The following RALYL variants were observed in gnomAD, a reference collection of about 807,000 sequenced individuals.
RALYL encodes the protein RNA-binding Raly-like protein.
In RALYL, 29 loss-of-function variants were observed where a neutral mutation model predicts 35.1. The ratio of observed to expected loss-of-function variants is 0.83; its 90% CI spans 0.61 to 1.13. The LOEUF (loss-of-function observed/expected upper bound fraction) is 1.13, where lower values mean the gene tolerates loss of function less well. Among genes scored for constraint, RALYL ranks in the 50% most tolerant of loss-of-function variants. RALYL has a pLI of 0.00. For synonymous variants in RALYL, 120 were observed against 127.6 expected (o/e 0.94, Z 0.40); for missense variants, 359 against 360.4 (o/e 1.00, Z 0.03).
chr8:84,687,477 T>C (rs1837053122), intron 2 of RALYL, among the ~76,000 whole-genome samples: 1 of 152,120 alleles, frequency 6.6e-6, no homozygotes, highest in African/African-American at 2.4e-5. Context: ...GTAGGCCTTA[T>C]TCCACATGGA....
chr8:84,527,868 C>T (rs1272066130), intron 1 of RALYL, among the ~76,000 whole-genome samples: 1 of 152,022 alleles, frequency 6.6e-6, no homozygotes, highest in African/African-American at 2.4e-5. Context: ...TTAAACTGAT[C>T]TTCATTATAA....
chr8:84,235,316 T>G (rs1826264943), intron 1 of RALYL, among the ~76,000 whole-genome samples: 1 of 152,226 alleles, frequency 6.6e-6, no homozygotes, highest in Admixed American at 6.5e-5. Context: ...CAAACTGATT[T>G]GGGGCAACTG....
At chr8:84,580,396 G>T (rs190648109) in intron 2 of RALYL, among the ~76,000 whole-genome samples, 194 of 152,218 alleles carry the variant, frequency 1.3e-3, no homozygotes, top group African/African-American at 4.4e-3. Flanking sequence ...TTTCTGATGA[G>T]CACCTCAGGC....
chr8:84,501,313 C>T (rs1280934609), intron 1 of RALYL, among the ~76,000 whole-genome samples: 1 of 152,048 alleles, frequency 6.6e-6, no homozygotes, highest in African/African-American at 2.4e-5. Context: ...ATTGTTTGCC[C>T]TTCAAATGTA....
intron 2 of RALYL, among the ~76,000 whole-genome samples, chr8:84,619,278 C>T (rs1039188181): frequency 4.6e-5 from 7 of 151,760 alleles, no homozygotes; most frequent in South Asian, 4.2e-4. Context: ...CTGGGTGCTC[C>T]GTGTTGGGTG....
intron 2 of RALYL, among the ~76,000 whole-genome samples, chr8:84,689,910 A>G (rs1222374226): frequency 1.3e-5 from 2 of 151,864 alleles, no homozygotes; most frequent in East Asian, 1.9e-4. Flanking sequence ...TCAAGTGTGG[A>G]AAAAAAACAG....
At chr8:84,809,116 A>C (rs1326573364) in intron 4 of RALYL, among the ~76,000 whole-genome samples, 1 of 152,114 alleles carries the variant, frequency 6.6e-6, no homozygotes, top group Non-Finnish European at 1.5e-5. Flanking sequence ...ACTTTTCCCC[A>C]TTCAGTATTA....
chr8:84,842,323 G>T (rs1165116171), intron 4 of RALYL, among the ~76,000 whole-genome samples: 1 of 152,168 alleles, frequency 6.6e-6, no homozygotes, highest in Non-Finnish European at 1.5e-5. Flanking sequence ...ACTACCATCA[G>T]GGAATACTAT....
chr8:84,581,418 C>T (rs1290855539), intron 2 of RALYL, among the ~76,000 whole-genome samples: 2 of 152,128 alleles, frequency 1.3e-5, no homozygotes, highest in African/African-American at 4.8e-5. Context: ...AGAGATTCAT[C>T]AGAGATTTCA....
At chr8:84,584,005 G>A (rs1039625577) in intron 2 of RALYL, among the ~76,000 whole-genome samples, 13 of 151,708 alleles carry the variant, frequency 8.6e-5, no homozygotes, top group African/African-American at 3.1e-4. Context: ...ATATTTATGG[G>A]GTACATGAAA....
chr8:84,678,547 G>A (rs187411775), intron 2 of RALYL, among the ~76,000 whole-genome samples: 82 of 152,234 alleles, frequency 5.4e-4, no homozygotes, highest in South Asian at 3.5e-3. Flanking sequence ...GATTACAGGC[G>A]TGAGCCACTG....
chr8:84,577,019 T>C (rs534965703), intron 2 of RALYL, among the ~76,000 whole-genome samples: 1 of 152,244 alleles, frequency 6.6e-6, no homozygotes, highest in East Asian at 1.9e-4. Flanking sequence ...CACTGAACTT[T>C]TGACTGTACA....
At chr8:84,821,361 T>C (rs1418736135) in intron 4 of RALYL, among the ~76,000 whole-genome samples, 1 of 152,224 alleles carries the variant, frequency 6.6e-6, no homozygotes, top group Non-Finnish European at 1.5e-5. Context: ...GTAGCCATTT[T>C]GGAATGGAGT....
At chr8:84,359,199 G>A (rs1378104014) in intron 1 of RALYL, among the ~76,000 whole-genome samples, 1 of 150,682 alleles carries the variant, frequency 6.6e-6, no homozygotes, top group South Asian at 2.1e-4. Flanking sequence ...TGGGGGTTTG[G>A]AGGGACTTTG....
intron 8 of RALYL, among the ~76,000 whole-genome samples, chr8:84,914,525 A>G (rs1250833022): frequency 6.6e-6 from 1 of 152,026 alleles, no homozygotes; most frequent in African/African-American, 2.4e-5. Context: ...ATAAAATAAG[A>G]GAAATGTTAA....
rs550421291 is a variant in RALYL at position 84,406,747 on chromosome 8, T to A, written c.-23-122552T>A. Among the ~76,000 whole-genome samples the A allele has an allele frequency of 4.6e-5, 7 of 152,094 alleles. No homozygotes were observed. In the South Asian group the frequency reaches 1.5e-3, roughly 32 times the overall value. On this transcript the variant is annotated intron_variant, in intron 1 of 8. Coordinates refer to ENST00000521268, the MANE Select transcript of RALYL (RefSeq NM_173848.7). Reference sequence around the variant, plus strand: ...CATGTTGAAATGAATAAAATACCAATACTTTCTGGAAGCATTAAGGAACCT... The same window carrying A: ...CATGTTGAAATGAATAAAATACCAAAACTTTCTGGAAGCATTAAGGAACCT...
At chr8:84,868,620 T>G (rs531854429) in intron 6 of RALYL, among the ~76,000 whole-genome samples, 13 of 152,340 alleles carry the variant, frequency 8.5e-5, no homozygotes, top group African/African-American at 3.1e-4. Flanking sequence ...CAGCTTCTAA[T>G]GAAATGCAAG....
intron 1 of RALYL, among the ~76,000 whole-genome samples, chr8:84,392,177 G>A (rs1860847006): frequency 6.6e-6 from 1 of 151,840 alleles, no homozygotes; most frequent in Non-Finnish European, 1.5e-5. Flanking sequence ...GAACATTCTG[G>A]TAAATGGCCA....
At chr8:84,556,156 A>G (rs567569212) in intron 2 of RALYL, among the ~76,000 whole-genome samples, 34 of 152,320 alleles carry the variant, frequency 2.2e-4, no homozygotes, top group African/African-American at 7.9e-4. Flanking sequence ...GCAAAATATT[A>G]TTGAAAATTA....
Sources: allele counts gnomAD v4.1 joint callset (sites outside exome capture counted in the v4.1 genomes callset), GRCh38; gene constraint gnomAD v4.1.1; transcripts MANE v1.5; gene names NCBI Gene and HGNC (gene_info 2026-07-23, HGNC 2026-07-21).